Variants in SLC17A8 observed in about 807,000 individuals in gnomAD.
SLC17A8 encodes the protein vesicular glutamate transporter 3.
In SLC17A8, 31 loss-of-function variants were observed where a neutral mutation model predicts 58.0. The observed-to-expected ratio is 0.53, with a 90% CI of 0.40 to 0.72. The LOEUF (loss-of-function observed/expected upper bound fraction) is 0.72. SLC17A8 is among the 30% of genes least tolerant of loss of function. SLC17A8 has a pLI of 0.00. For synonymous variants in SLC17A8, 228 were observed against 249.0 expected, an observed-to-expected ratio of 0.92 and a Z score of 0.79; for missense variants, 655 against 727.8, an observed-to-expected ratio of 0.90 and a Z score of 1.15.
At chr12:100,379,062 T>C (rs1218211096) in intron 1 of SLC17A8, among the ~76,000 whole-genome samples, 4 of 152,230 alleles carry the variant, frequency 2.6e-5, no homozygotes, top group African/African-American at 9.6e-5. Flanking sequence ...GCGCTCAATA[T>C]ATATCTGATG....
At position 100,401,866 on chromosome 12, in the gene SLC17A8, G is replaced by A. The variant is rs1439728233; in HGVS notation, c.763+3G>A. 1 of 1,611,884 alleles carries A rather than the reference G, an allele frequency of 6.2e-7. No individual in the cohort carries two copies. The highest frequency in any genetic ancestry group is 8.5e-7 in the Non-Finnish European group (1 of 1,178,224). On this transcript the variant is annotated splice_donor_region_variant and intron_variant, in intron 6 of 11. Transcript: ENST00000323346. ...GTCCTCTGTCTTTTATATTTATGGT[G>A]AGTGATTTGACTTCACAAGTTCACA...
chr12:100,403,901 C>T, intron 8 of SLC17A8, 137 bp from the exon 9 acceptor site: 1 of 918,672 alleles, frequency 1.1e-6, no homozygotes, highest in Non-Finnish European at 1.8e-6. Flanking sequence ...TCAGGCCTAC[C>T]CAGCTCCCAC....
At chr12:100,369,843 A>G (rs996509362) in intron 1 of SLC17A8, among the ~76,000 whole-genome samples, 1 of 151,944 alleles carries the variant, frequency 6.6e-6, no homozygotes, top group African/African-American at 2.4e-5. Context: ...ATGGGTACAA[A>G]ACATATTTTT....
intron 2 of SLC17A8, among the ~76,000 whole-genome samples, chr12:100,387,252 C>T (rs1023510221): frequency 3.9e-5 from 6 of 152,150 alleles, no homozygotes; most frequent in Non-Finnish European, 5.9e-5. Flanking sequence ...TCTTCATCCT[C>T]ACCAACACTT....
chr12:100,414,607 C>A (rs1952893382), intron 10 of SLC17A8, among the ~76,000 whole-genome samples: 1 of 152,152 alleles, frequency 6.6e-6, no homozygotes, highest in African/African-American at 2.4e-5. Context: ...GGGCATTATT[C>A]TTAGCACTGG....
In SLC17A8 at chr12:100,372,118, T is replaced by C. The variant is rs900473500; in HGVS notation, c.102-8583T>C. Among the ~76,000 whole-genome samples, 3 of 152,296 alleles carry C rather than the reference T, an allele frequency of 2.0e-5. 1 individual carries two copies. The highest frequency in any genetic ancestry group is 4.1e-4 in the South Asian group (2 of 4,822). ...GACCTTTTCAGAGGGCAAATTTGAATGCTGTATTTGTTTGCTAGGGCTGCC... is the reference window on the plus strand; with the variant it reads ...GACCTTTTCAGAGGGCAAATTTGAACGCTGTATTTGTTTGCTAGGGCTGCC... On this transcript the variant is annotated intron_variant, in intron 1 of 11. Coordinates refer to ENST00000323346, the MANE Select transcript of SLC17A8 (RefSeq NM_139319.3).
At chr12:100,417,246 GTTAC>G in intron 10 of SLC17A8, among the ~76,000 whole-genome samples, 1 of 152,334 alleles carries the variant, frequency 6.6e-6, no homozygotes, top group Non-Finnish European at 1.5e-5. Flanking sequence ...AAGAGAGGGA[GTTAC>G]TTTGCAATGG....
chr12:100,392,133 A>G lies in SLC17A8; in HGVS notation c.473+1014A>G, dbSNP rs141210409. 2.9e-3 allele frequency among the ~76,000 whole-genome samples: 446 copies of G among 152,234 alleles called. 4 individuals are homozygous for G. The highest frequency in any genetic ancestry group is 9.8e-3 in the African/African-American group (406 of 41,544). On this transcript the variant is annotated intron_variant, in intron 3 of 11. Transcript: ENST00000323346. The stretch of plus-strand genomic sequence containing the variant: ...ACTAAATCTCTCCAGGTCGCTTCCA[A>G]TTGTATTTCCCATATGACTTTCCAT...
At chr12:100,413,300 T>G (rs1952883546) in intron 10 of SLC17A8, among the ~76,000 whole-genome samples, 1 of 152,182 alleles carries the variant, frequency 6.6e-6, no homozygotes, top group South Asian at 2.1e-4. Flanking sequence ...AGAAGTTTTT[T>G]TAAGAGTGAA....
chr12:100,363,572 G>C (rs1376025249), intron 1 of SLC17A8, among the ~76,000 whole-genome samples: 1 of 152,070 alleles, frequency 6.6e-6, no homozygotes, highest in African/African-American at 2.4e-5. Flanking sequence ...CGGTATGTTG[G>C]TCAGGCTGGT....
intron 1 of SLC17A8, 39 bp from the exon 2 acceptor site, chr12:100,380,662 C>A: frequency 6.2e-7 from 1 of 1,612,700 alleles, no homozygotes; most frequent in Non-Finnish European, 8.5e-7. Context: ...TTCCTTTAAT[C>A]CTGGCTTTTA....
intron 10 of SLC17A8, among the ~76,000 whole-genome samples, chr12:100,415,356 C>A (rs1043094797): frequency 4.7e-5 from 7 of 149,596 alleles, no homozygotes; most frequent in Admixed American, 6.7e-5. Context: ...GTCCCAGCTA[C>A]TGGGGAGGCT....
At chr12:100,394,159 A>G (rs916815512) in intron 4 of SLC17A8, among the ~76,000 whole-genome samples, 1 of 152,210 alleles carries the variant, frequency 6.6e-6, no homozygotes, top group Admixed American at 6.5e-5. Context: ...ATACAAAAAC[A>G]GATGGTGAAC....
intron 9 of SLC17A8, among the ~76,000 whole-genome samples, chr12:100,409,368 T>C (rs1952850549): frequency 6.6e-6 from 1 of 152,064 alleles, no homozygotes; most frequent in South Asian, 2.1e-4. Flanking sequence ...ATATGTTTAG[T>C]AGAGAAGGGG....
intron 2 of SLC17A8, among the ~76,000 whole-genome samples, chr12:100,384,085 C>T (rs757131068): frequency 2.0e-5 from 3 of 152,062 alleles, no homozygotes; most frequent in East Asian, 1.9e-4. Context: ...ATAAAATGAC[C>T]GAAGTTTGAG....
At position 100,358,906 on chromosome 12, in the gene SLC17A8, C is replaced by T. The variant is rs1028544537; in HGVS notation, c.101+1414C>T. On this transcript the variant is annotated intron_variant, in intron 1 of 11. Coordinates refer to ENST00000323346, the MANE Select transcript of SLC17A8 (RefSeq NM_139319.3). Reference sequence around the variant, plus strand: ...CCTGTAATCCCAGCACTTTGGGAGGCGGAAGTGGGAGGATCGCTTGAGGCC... The same window carrying T: ...CCTGTAATCCCAGCACTTTGGGAGGTGGAAGTGGGAGGATCGCTTGAGGCC... 2.6e-5 allele frequency among the ~76,000 whole-genome samples: 4 copies of T among 152,110 alleles called. No homozygotes were observed. The South Asian group carries it at 6.2e-4, about 24-fold the overall frequency.
intron 4 of SLC17A8, among the ~76,000 whole-genome samples, chr12:100,395,095 T>G (rs1952743732): frequency 2.0e-5 from 3 of 151,886 alleles, no homozygotes; most frequent in African/African-American, 7.2e-5. Context: ...AATGAGTGGA[T>G]GGACCAACTG....
chr12:100,394,040 A>G (rs1952734793), intron 4 of SLC17A8, among the ~76,000 whole-genome samples: 1 of 152,232 alleles, frequency 6.6e-6, no homozygotes, highest in South Asian at 2.1e-4. Context: ...CATTTTACAA[A>G]CTGAAATTTG....
In SLC17A8 at chr12:100,412,941, G is replaced by A. The variant is rs145588394; in HGVS notation, c.1297+61G>A. ...AGATTCAACAAGTCCCAGGAAGAAGGAAGGACAAGGATATTGTAGCACCTT... is the reference window on the plus strand; with the variant it reads ...AGATTCAACAAGTCCCAGGAAGAAGAAAGGACAAGGATATTGTAGCACCTT... On this transcript the variant is annotated intron_variant, in intron 10 of 11. Coordinates refer to ENST00000323346, the MANE Select transcript of SLC17A8 (RefSeq NM_139319.3). 7.5e-5 allele frequency: 98 copies of A among 1,301,750 alleles called. No individual in the cohort carries two copies. The African/African-American group carries it at 1.3e-3, about 17-fold the overall frequency. The allele number at this position is 1,301,750 out of a possible 1,614,324, so 80.6% of individuals were successfully genotyped here.
Sources: allele counts gnomAD v4.1 joint callset (sites outside exome capture counted in the v4.1 genomes callset), GRCh38; gene constraint gnomAD v4.1.1; transcripts MANE v1.5; gene names NCBI Gene and HGNC (gene_info 2026-07-23, HGNC 2026-07-21).